NCOR2: variants seen among roughly 807,000 people sequenced by gnomAD.
The protein encoded by NCOR2 is nuclear receptor corepressor 2.
NCOR2 carries 81 observed loss-of-function variants against 262.9 expected under a neutral mutation model. The observed-to-expected ratio is 0.31, with a 90% CI of 0.26 to 0.37. NCOR2 has a LOEUF of 0.37. NCOR2 is among the 10% of genes least tolerant of loss of function. The probability of loss-of-function intolerance (pLI) is 1.00; values close to 1 mark genes in which losing one functional copy is unlikely to be tolerated. For synonymous variants in NCOR2, 1,659 were observed against 1,559.3 expected, an observed-to-expected ratio of 1.06 and a Z score of -1.51; for missense variants, 3,385 against 3,621.4, an observed-to-expected ratio of 0.93 and a Z score of 1.68.
At chr12:124,353,207 G>A (rs184892102) in intron 27 of NCOR2, among the ~76,000 whole-genome samples, 78 of 152,338 alleles carry the variant, frequency 5.1e-4, no homozygotes, top group Non-Finnish European at 9.0e-4. Context: ...TACGACTTCA[G>A]GAGAATGACT....
At chr12:124,347,946 C>A (rs1244064) in intron 29 of NCOR2, 35 bp from the exon 32 acceptor site, 1 of 1,548,522 alleles carries the variant, frequency 6.5e-7, no homozygotes, top group Non-Finnish European at 8.7e-7. Context: ...CATTCCGTGG[C>A]TCCCTGAGCC....
chr12:124,358,986 G>T (rs2038262709), intron 22 of NCOR2, among the ~76,000 whole-genome samples: 1 of 152,252 alleles, frequency 6.6e-6, no homozygotes, highest in East Asian at 1.9e-4. Context: ...CAGGCACTGG[G>T]GCTGCAGACC....
intron 37 of NCOR2, 73 bp from the exon 40 acceptor site, chr12:124,337,253 C>T (rs1222755592): frequency 6.7e-7 from 1 of 1,491,968 alleles, no homozygotes. Flanking sequence ...GATGAGTCCC[C>T]ATTGCCCTGG....
rs761505708 is a variant in NCOR2, at chr12:124,483,075, C to T, written c.411+521G>A. On this transcript the variant is annotated intron_variant, in intron 3 of 46. Coordinates refer to ENST00000405201, the Ensembl canonical transcript of NCOR2. This position sits in a 1 kb window ranked among gnomAD's most constrained non-coding sequence, Gnocchi z 6.3. ...GCAGAGCCCTGAGCTGTCCACCTCG[C>T]GGGCCGGGGTTCAAGGCCCAGGGGG... is the stretch of plus-strand genomic sequence containing the variant. Among the ~76,000 whole-genome samples the T allele has an allele frequency of 1.8e-4, 27 of 152,042 alleles. 1 individual carries two copies.
At chr12:124,386,636 G>A (rs1227839503) in intron 16 of NCOR2, among the ~76,000 whole-genome samples, 2 of 152,144 alleles carry the variant, frequency 1.3e-5, no homozygotes, top group Non-Finnish European at 2.9e-5. Context: ...TCCAGGAATC[G>A]GCAGAAAAAG....
rs931511719 is a variant in NCOR2, at chr12:124,389,280, C to T, written c.1877-3393G>A. On this transcript the variant is annotated intron_variant, in intron 16 of 46. Transcript: ENST00000405201. The surrounding 1 kb of genome is among the most constrained non-coding windows in gnomAD (Gnocchi z 4.4). ...CCGTGTCCCCCGCAGCCGGGCTCAG[C>T]TCTGATCTTCTTGCTGCCTGACCCA... 1.3e-5 allele frequency among the ~76,000 whole-genome samples: 2 copies of T among 152,210 alleles called. No individual in the cohort carries two copies. The highest frequency in any genetic ancestry group is 2.9e-5 in the Non-Finnish European group (2 of 68,026).
At chr12:124,558,051 T>G (rs2051940631) in intron 1 of NCOR2, among the ~76,000 whole-genome samples, 1 of 152,128 alleles carries the variant, frequency 6.6e-6, no homozygotes, top group Admixed American at 6.5e-5. Context: ...GGAGCAGGGC[T>G]GGCACCAGGC....
rs2052225746 is a variant in NCOR2 at position 124,566,014 on chromosome 12, A to G, written c.-165+1294T>C. On this transcript the variant is annotated intron_variant, in intron 1 of 32. Transcript: ENST00000458234. This position sits in a 1 kb window ranked among gnomAD's most constrained non-coding sequence, Gnocchi z 4.3. ...AGCCCCTTATATCAAAGCTGCCGCA[A>G]GGACCCAGATCTGGCTGAAAAGGGG... Among the ~76,000 whole-genome samples the G allele has an allele frequency of 6.6e-6, 1 of 152,114 alleles. No homozygotes were observed. The highest frequency in any genetic ancestry group is 6.5e-5 in the Admixed American group (1 of 15,284).
intron 1 of NCOR2, among the ~76,000 whole-genome samples, chr12:124,563,787 C>A (rs1414280737): frequency 6.6e-6 from 1 of 152,268 alleles, no homozygotes; most frequent in Non-Finnish European, 1.5e-5. Flanking sequence ...AGTTCTCAGT[C>A]TCCTGCCCCA....
chr12:124,458,680 G>A (rs2046009720), intron 5 of NCOR2, among the ~76,000 whole-genome samples: 1 of 152,228 alleles, frequency 6.6e-6, no homozygotes, highest in African/African-American at 2.4e-5. Context: ...CACAGATGGT[G>A]AAACTGAGGC....
intron 16 of NCOR2, among the ~76,000 whole-genome samples, chr12:124,395,465 A>G (rs1040334923): frequency 6.6e-6 from 1 of 152,176 alleles, no homozygotes; most frequent in Non-Finnish European, 1.5e-5. Context: ...AATGTCACTG[A>G]GCAGGGCCTC....
intron 1 of NCOR2, among the ~76,000 whole-genome samples, chr12:124,550,928 T>C (rs1242870947): frequency 1.3e-5 from 2 of 152,224 alleles, no homozygotes; most frequent in African/African-American, 4.8e-5. Context: ...AAGCACCAAG[T>C]AGCTTTCTCC....
At chr12:124,544,369 C>T (rs1432982211) in intron 1 of NCOR2, among the ~76,000 whole-genome samples, 1 of 152,216 alleles carries the variant, frequency 6.6e-6, no homozygotes, top group African/African-American at 2.4e-5. Flanking sequence ...ACAGAAAAAC[C>T]ACTGCAGACT....
At chr12:124,560,768 G>C (rs2052042352) in intron 1 of NCOR2, among the ~76,000 whole-genome samples, 1 of 152,210 alleles carries the variant, frequency 6.6e-6, no homozygotes, top group Admixed American at 6.5e-5. Flanking sequence ...AACCGAGGGA[G>C]ACTTTTACGC....
At chr12:124,386,738 C>T (rs868250016) in intron 16 of NCOR2, among the ~76,000 whole-genome samples, 1 of 152,260 alleles carries the variant, frequency 6.6e-6, no homozygotes, top group Non-Finnish European at 1.5e-5. Context: ...TCGGCAGAAA[C>T]ACAGCCCCTG....
At chr12:124,445,687 C>T (rs1189189858) in intron 7 of NCOR2, among the ~76,000 whole-genome samples, 1 of 152,110 alleles carries the variant, frequency 6.6e-6, no homozygotes, top group Non-Finnish European at 1.5e-5. Context: ...TGTCCCATGG[C>T]GGCAGTCACT....
rs191488226 is a variant in NCOR2 at position 124,482,145 on chromosome 12, A to T, written c.411+1451T>A. On this transcript the variant is annotated intron_variant, in intron 3 of 46. Coordinates refer to ENST00000405201, the Ensembl canonical transcript of NCOR2. The surrounding 1 kb of genome is among the most constrained non-coding windows in gnomAD (Gnocchi z 6.3). Reference sequence around the variant, plus strand: ...CATGTGGTCTGTTGGCTAGGAGTTCATTAACTGACCTCCACTTTCCTGTGA... The same window carrying T: ...CATGTGGTCTGTTGGCTAGGAGTTCTTTAACTGACCTCCACTTTCCTGTGA... Among the ~76,000 whole-genome samples, 22 of 152,210 alleles carry T rather than the reference A, an allele frequency of 1.4e-4. 1 individual carries two copies. Among genetic ancestry groups the T allele is most frequent in the Admixed American group, 1.3e-3 (20 of 15,292 alleles).
chr12:124,447,323 A>T (rs1249341364), intron 7 of NCOR2, among the ~76,000 whole-genome samples: 1 of 152,276 alleles, frequency 6.6e-6, no homozygotes, highest in Non-Finnish European at 1.5e-5. Flanking sequence ...GACCACAGTC[A>T]TTCTCTGAGG....
chr12:124,555,071 G>T (rs2051838925), intron 1 of NCOR2, among the ~76,000 whole-genome samples: 1 of 152,240 alleles, frequency 6.6e-6, no homozygotes, highest in African/African-American at 2.4e-5. Flanking sequence ...CAAGCAAGGA[G>T]CTTAGGAGCT....
Sources: allele counts gnomAD v4.1 joint callset (sites outside exome capture counted in the v4.1 genomes callset), GRCh38; gene constraint gnomAD v4.1.1; non-coding constraint Gnocchi (gnomAD v3.1); transcripts MANE v1.5; gene names NCBI Gene and HGNC (gene_info 2026-07-23, HGNC 2026-07-21).